The following SLC9A9 variants were observed in gnomAD, a reference collection of about 807,000 sequenced individuals.
SLC9A9 encodes the protein sodium/hydrogen exchanger 9.
Under a neutral mutation model 77.8 loss-of-function variants are expected in SLC9A9, and 62 were observed. That is an observed-to-expected ratio of 0.80 (90% CI 0.65 to 0.98). The LOEUF (loss-of-function observed/expected upper bound fraction) is 0.98, where lower values mean the gene tolerates loss of function less well. SLC9A9 is among the 50% of genes least tolerant of loss of function. SLC9A9 has a pLI of 0.00. For synonymous variants in SLC9A9, 320 were observed against 283.5 expected (o/e 1.13, Z -1.29); for missense variants, 775 against 774.9 (o/e 1.00, Z 0.00).
chr3:143,507,197 C>CATT (rs1249395315), intron 9 of SLC9A9, among the ~76,000 whole-genome samples: 3 of 151,228 alleles, frequency 2.0e-5, no homozygotes, highest in Admixed American at 6.6e-5. Flanking sequence ...TTATTATTAT[C>CATT]ATTATTATTA....
intron 4 of SLC9A9, among the ~76,000 whole-genome samples, chr3:143,780,836 G>A (rs1310568127): frequency 6.6e-6 from 1 of 152,094 alleles, no homozygotes; most frequent in Non-Finnish European, 1.5e-5. Context: ...TAGGGTCATA[G>A]GAAATATCTG....
In SLC9A9 at chr3:143,666,151, T is replaced by C. The variant is rs181539679; in HGVS notation, c.650-13791A>G. On this transcript the variant is annotated intron_variant, in intron 5 of 15. Coordinates refer to ENST00000316549, the MANE Select transcript of SLC9A9 (RefSeq NM_173653.4). ...CTTATCCACCACGATCAAGTCAGCT[T>C]CATCCCTGGGATGCAAGGCTGGTCC... Among the ~76,000 whole-genome samples the C allele has an allele frequency of 3.4e-4, 52 of 152,320 alleles. 1 individual carries two copies. Among genetic ancestry groups the C allele is most frequent in the Admixed American group, 2.7e-3 (41 of 15,298 alleles).
intron 14 of SLC9A9, among the ~76,000 whole-genome samples, chr3:143,353,894 G>A (rs2032525484): frequency 6.6e-6 from 1 of 152,164 alleles, no homozygotes; most frequent in Non-Finnish European, 1.5e-5. Context: ...TAAGATCTGT[G>A]ACAGAAAGGA....
intron 6 of SLC9A9, among the ~76,000 whole-genome samples, chr3:143,592,068 A>G (rs1440331636): frequency 3.9e-5 from 6 of 152,224 alleles, no homozygotes; most frequent in Admixed American, 2.6e-4. Flanking sequence ...CACCTTCTCT[A>G]TGTGGTCCAT....
intron 12 of SLC9A9, among the ~76,000 whole-genome samples, chr3:143,414,735 T>C (rs1044644338): frequency 1.3e-5 from 2 of 152,216 alleles, no homozygotes; most frequent in East Asian, 3.9e-4. Flanking sequence ...GACAGCAGTA[T>C]TGAAATTAAG....
At chr3:143,757,902 C>T (rs1325341173) in intron 4 of SLC9A9, among the ~76,000 whole-genome samples, 1 of 152,016 alleles carries the variant, frequency 6.6e-6, no homozygotes, top group Non-Finnish European at 1.5e-5. Flanking sequence ...AGATCAAAGG[C>T]AAGTCAATGC....
At chr3:143,313,859 G>A (rs941887151) in intron 14 of SLC9A9, among the ~76,000 whole-genome samples, 3 of 152,214 alleles carry the variant, frequency 2.0e-5, no homozygotes, top group African/African-American at 7.2e-5. Context: ...GAGCAGGGAG[G>A]CTGACGGGGA....
intron 11 of SLC9A9, among the ~76,000 whole-genome samples, chr3:143,486,477 A>C (rs559936103): frequency 1.6e-4 from 25 of 152,210 alleles, no homozygotes; most frequent in African/African-American, 5.1e-4. Flanking sequence ...GAATACATTA[A>C]AAAAATTATC....
intron 14 of SLC9A9, among the ~76,000 whole-genome samples, chr3:143,300,438 A>AC (rs1220899797): frequency 1.3e-5 from 2 of 152,194 alleles, no homozygotes; most frequent in African/African-American, 4.8e-5. Context: ...AAATGTATAA[A>AC]CTTTTTTAGG....
intron 12 of SLC9A9, among the ~76,000 whole-genome samples, chr3:143,423,814 C>T (rs893795260): frequency 6.6e-6 from 1 of 152,182 alleles, no homozygotes; most frequent in East Asian, 1.9e-4. Flanking sequence ...ATGCAGGTCA[C>T]TAGTAACAGG....
chr3:143,628,516 TA>T (rs1036661147), intron 6 of SLC9A9, among the ~76,000 whole-genome samples: 9 of 152,184 alleles, frequency 5.9e-5, no homozygotes, highest in African/African-American at 2.2e-4. Context: ...TGAGTGTCGC[TA>T]AACACTCTAG....
intron 4 of SLC9A9, among the ~76,000 whole-genome samples, chr3:143,695,432 G>A (rs1289520222): frequency 3.5e-4 from 53 of 152,078 alleles, no homozygotes; most frequent in Non-Finnish European, 1.3e-4. Flanking sequence ...GAGGACATGC[G>A]GTGTTTGGTT....
At chr3:143,440,051 C>T (rs958683947) in intron 12 of SLC9A9, among the ~76,000 whole-genome samples, 1 of 152,200 alleles carries the variant, frequency 6.6e-6, no homozygotes, top group East Asian at 1.9e-4. Flanking sequence ...TGTTTTCATG[C>T]TCACTTAAAC....
chr3:143,346,215 T>C (rs954473186), intron 14 of SLC9A9, among the ~76,000 whole-genome samples: 1 of 152,184 alleles, frequency 6.6e-6, no homozygotes, highest in African/African-American at 2.4e-5. Flanking sequence ...AAAATACTTT[T>C]GCCTTTTCAC....
chr3:143,734,900 G>C (rs1934900833), intron 4 of SLC9A9, among the ~76,000 whole-genome samples: 1 of 152,098 alleles, frequency 6.6e-6, no homozygotes, highest in South Asian at 2.1e-4. Flanking sequence ...GAAAATCCCA[G>C]GTAAGTCTCT....
chr3:143,759,794 T>C (rs1326565332), intron 4 of SLC9A9, among the ~76,000 whole-genome samples: 1 of 152,124 alleles, frequency 6.6e-6, no homozygotes, highest in Non-Finnish European at 1.5e-5. Flanking sequence ...TCAACAGCAT[T>C]TTCTGTTATC....
intron 6 of SLC9A9, among the ~76,000 whole-genome samples, chr3:143,624,227 T>C (rs1354748034): frequency 6.6e-6 from 1 of 152,026 alleles, no homozygotes; most frequent in African/African-American, 2.4e-5. Context: ...ATGATTCCAA[T>C]CAACAGGAAA....
intron 4 of SLC9A9, among the ~76,000 whole-genome samples, chr3:143,780,485 G>A (rs577817554): frequency 1.6e-4 from 24 of 152,282 alleles, no homozygotes; most frequent in African/African-American, 4.8e-4. Flanking sequence ...AAGTTTTTAC[G>A]CAATCATTGA....
Position 143,704,353 on chromosome 3 carries a change from C to T in SLC9A9, c.534-11046G>A, listed in dbSNP as rs372962741. ...AATGCTAGCAAACTGAATTCAATAA[C>T]GCACTGAAAACATCATTCATCATGA... On this transcript the variant is annotated intron_variant, in intron 4 of 15. Coordinates refer to ENST00000316549, the MANE Select transcript of SLC9A9 (RefSeq NM_173653.4). Among the ~76,000 whole-genome samples the T allele has an allele frequency of 4.7e-4, 72 of 152,204 alleles. 1 individual carries two copies. In the South Asian group the frequency reaches 7.0e-3, roughly 15 times the overall value.
Sources: gnomAD v4.1 joint callset for allele counts (sites outside exome capture counted in the v4.1 genomes callset) on GRCh38, gnomAD v4.1.1 for gene constraint, MANE v1.5 for transcripts, NCBI Gene and HGNC (gene_info 2026-07-23, HGNC 2026-07-21) for gene names.